CNBD1: variants seen among roughly 807,000 people sequenced by gnomAD.
CNBD1 encodes cyclic nucleotide-binding domain-containing protein 1.
A neutral mutation model predicts 54.4 loss-of-function variants in CNBD1; 71 were observed. The observed-to-expected ratio is 1.30, with a 90% CI of 1.08 to 1.59. The LOEUF is 1.59. Ranked by LOEUF, CNBD1 falls within the 40% of genes most tolerant of loss-of-function variation. CNBD1 has a pLI of 0.00. For missense variants in CNBD1, 659 were observed against 518.0 expected (o/e 1.27, Z -2.64); for synonymous variants, 182 against 170.7 (o/e 1.07, Z -0.51).
chr8:86,961,707 A>T (rs1394112310), intron 4 of CNBD1, among the ~76,000 whole-genome samples: 1 of 152,232 alleles, frequency 6.6e-6, no homozygotes, highest in East Asian at 1.9e-4. Context: ...GCAATGGCCT[A>T]CCACGATCTT....
chr8:87,314,792 T>C (rs1235951103), intron 8 of CNBD1, among the ~76,000 whole-genome samples: 1 of 151,936 alleles, frequency 6.6e-6, no homozygotes, highest in Non-Finnish European at 1.5e-5. Flanking sequence ...GCACCCCAAA[T>C]ACTAAATATC....
At chr8:87,190,936 G>GGT (rs1813597194) in intron 4 of CNBD1, among the ~76,000 whole-genome samples, 1 of 147,566 alleles carries the variant, frequency 6.8e-6, no homozygotes, top group Non-Finnish European at 1.5e-5. Flanking sequence ...TTTAGATATA[G>GGT]ATATAGATAC....
chr8:86,879,582 G>A (rs13282917), intron 1 of CNBD1, among the ~76,000 whole-genome samples: 70,855 of 152,050 alleles, frequency 0.47, 16,775 homozygotes, highest in East Asian at 0.56. Flanking sequence ...GAAAGATGGC[G>A]AGAATGAGGG....
At chr8:87,087,274 C>T (rs1168651270) in intron 4 of CNBD1, among the ~76,000 whole-genome samples, 4 of 139,956 alleles carry the variant, frequency 2.9e-5, no homozygotes, top group African/African-American at 5.4e-5. Flanking sequence ...TATATATATA[C>T]GTATATATAT....
At chr8:87,091,440 T>C (rs921772112) in intron 4 of CNBD1, among the ~76,000 whole-genome samples, 3 of 152,212 alleles carry the variant, frequency 2.0e-5, no homozygotes, top group Non-Finnish European at 4.4e-5. Context: ...TACTTCCATC[T>C]CTAACATCAA....
At chr8:87,378,127 T>C (rs1810990411) in intron 10 of CNBD1, among the ~76,000 whole-genome samples, 1 of 143,760 alleles carries the variant, frequency 7.0e-6, no homozygotes, top group Non-Finnish European at 1.5e-5. Flanking sequence ...GATGGTAGTT[T>C]CTTTTGCTGT....
intron 4 of CNBD1, among the ~76,000 whole-genome samples, chr8:87,063,709 CAT>C (rs1315533488): frequency 6.6e-6 from 1 of 151,926 alleles, no homozygotes; most frequent in Non-Finnish European, 1.5e-5. Flanking sequence ...GGAAAATTGA[CAT>C]ATTTTCAGTA....
intron 4 of CNBD1, among the ~76,000 whole-genome samples, chr8:87,011,801 G>T (rs1467264202): frequency 6.6e-6 from 1 of 152,012 alleles, no homozygotes; most frequent in African/African-American, 2.4e-5. Flanking sequence ...TTGTTTTTAT[G>T]GAAGACTAAT....
chr8:87,064,338 T>A (rs1810606551), intron 4 of CNBD1, among the ~76,000 whole-genome samples: 1 of 151,944 alleles, frequency 6.6e-6, no homozygotes, highest in Admixed American at 6.6e-5. Flanking sequence ...GTTATCCAAT[T>A]TTCAGCTTAA....
In CNBD1 at chr8:87,121,768, C is replaced by A. The variant is rs183451860; in HGVS notation, c.432-84225C>A. 2.6e-5 allele frequency among the ~76,000 whole-genome samples: 4 copies of A among 151,816 alleles called. No homozygotes were observed. The East Asian group carries it at 7.7e-4, about 29-fold the overall frequency. ...ACATATAAGTAAGACAATGTGGTAT[C>A]TGTCTTTCTGTGCCTGTCATATTTC... is the stretch of plus-strand genomic sequence containing the variant. On this transcript the variant is annotated intron_variant, in intron 4 of 10. Coordinates refer to ENST00000518476, the MANE Select transcript of CNBD1 (RefSeq NM_173538.3).
chr8:86,893,683 C>T (rs1808805794), intron 2 of CNBD1, among the ~76,000 whole-genome samples: 1 of 152,122 alleles, frequency 6.6e-6, no homozygotes, highest in Admixed American at 6.5e-5. Context: ...TAGTTTGGTG[C>T]TCTTGAGAGT....
chr8:87,420,052 T>C (rs1159016495), intron 2 of CNBD1, among the ~76,000 whole-genome samples: 2 of 151,504 alleles, frequency 1.3e-5, no homozygotes, highest in Non-Finnish European at 3.0e-5. Context: ...GTTTGATTTA[T>C]TACAAAATGT....
intron 4 of CNBD1, among the ~76,000 whole-genome samples, chr8:87,081,070 C>T (rs1810980568): frequency 6.6e-6 from 1 of 151,112 alleles, no homozygotes; most frequent in South Asian, 2.1e-4. Flanking sequence ...TCTTCATTAT[C>T]TTATTTCTTA....
chr8:87,252,670 T>G (rs1044528924), intron 6 of CNBD1, among the ~76,000 whole-genome samples: 1 of 152,162 alleles, frequency 6.6e-6, no homozygotes. Context: ...TTCTGATAGA[T>G]GTCATGGGGA....
chr8:87,232,143 T>C (rs1443249885), intron 5 of CNBD1, among the ~76,000 whole-genome samples: 1 of 152,168 alleles, frequency 6.6e-6, no homozygotes, highest in Non-Finnish European at 1.5e-5. Flanking sequence ...TTCCATTGCA[T>C]GGACATACAA....
intron 4 of CNBD1, among the ~76,000 whole-genome samples, chr8:87,087,291 A>ATATT (rs1469518420): frequency 6.8e-6 from 1 of 146,160 alleles, no homozygotes; most frequent in African/African-American, 2.5e-5. Flanking sequence ...ATATATATAT[A>ATATT]TTTTTTATTG....
At chr8:87,102,018 A>T (rs1418775644) in intron 4 of CNBD1, among the ~76,000 whole-genome samples, 1 of 151,336 alleles carries the variant, frequency 6.6e-6, no homozygotes, top group Non-Finnish European at 1.5e-5. Context: ...CCTCTTGAGT[A>T]GCTGGGATTA....
rs535713983 is a variant in CNBD1 at position 87,305,482 on chromosome 8, A to G, written c.1042+18811A>G. Among the ~76,000 whole-genome samples, 6 of 152,322 alleles carry G rather than the reference A, an allele frequency of 3.9e-5. No individual in the cohort carries two copies. In the East Asian group the frequency reaches 1.2e-3, roughly 29 times the overall value. ...TAAGCAAAAAGAAGAAATCTGAGGC[A>G]TCACACTACCTGATTTCAAACTATA... On this transcript the variant is annotated intron_variant, in intron 8 of 10. Transcript: ENST00000518476.
chr8:87,009,984 CCT>C (rs1809181394), intron 4 of CNBD1, among the ~76,000 whole-genome samples: 2 of 152,074 alleles, frequency 1.3e-5, no homozygotes, highest in Admixed American at 1.3e-4. Flanking sequence ...TGAAATGTCA[CCT>C]AATAGTTTTA....
Sources: gnomAD v4.1 joint callset for allele counts (sites outside exome capture counted in the v4.1 genomes callset) on GRCh38, gnomAD v4.1.1 for gene constraint, MANE v1.5 for transcripts, NCBI Gene and HGNC (gene_info 2026-07-23, HGNC 2026-07-21) for gene names.